GAP43: variants seen among roughly 807,000 people sequenced by gnomAD.
GAP43 encodes the protein neuromodulin.
In GAP43, 6 loss-of-function variants were observed where a neutral mutation model predicts 18.6. That is an observed-to-expected ratio of 0.32 (90% CI 0.18 to 0.64). GAP43 has a LOEUF of 0.64. Ranked by LOEUF, GAP43 falls within the 30% of genes least tolerant of loss-of-function variation. The probability of loss-of-function intolerance (pLI) is 0.78; values close to 1 mark genes in which losing one functional copy is unlikely to be tolerated. For synonymous variants in GAP43, 115 were observed against 111.4 expected (o/e 1.03, Z -0.20); for missense variants, 292 against 295.5 (o/e 0.99, Z 0.09).
chr3:115,704,525 T>A (rs1219275689), intron 2 of GAP43, among the ~76,000 whole-genome samples: 1 of 152,124 alleles, frequency 6.6e-6, no homozygotes, highest in East Asian at 1.9e-4. Context: ...GATAAAACAG[T>A]AATCCTCAGC....
chr3:115,623,751 T>A (rs1708144305), intron 1 of GAP43, 32 bp downstream of exon 1: 1 of 1,613,274 alleles, frequency 6.2e-7, no homozygotes, highest in Non-Finnish European at 8.5e-7. Flanking sequence ...TTCTTGCTGT[T>A]GTGAAATAAC....
intron 2 of GAP43, 82 bp downstream of exon 2, chr3:115,676,692 G>A: frequency 7.4e-7 from 1 of 1,346,694 alleles, no homozygotes; most frequent in South Asian, 1.5e-5. Context: ...CTGGGTCATT[G>A]AGGGAGAGGA....
intron 1 of GAP43, among the ~76,000 whole-genome samples, chr3:115,673,555 G>A (rs769595397): frequency 2.0e-4 from 31 of 152,306 alleles, no homozygotes; most frequent in South Asian, 2.1e-4. Context: ...ATATAAGATG[G>A]TGCTTCATTC....
chr3:115,624,445 T>C (rs1193628589), intron 1 of GAP43, among the ~76,000 whole-genome samples: 1 of 151,976 alleles, frequency 6.6e-6, no homozygotes, highest in East Asian at 1.9e-4. Flanking sequence ...CCCTAGGAGC[T>C]CCGATGGGAT....
At chr3:115,700,264 T>C (rs1709281100) in intron 2 of GAP43, among the ~76,000 whole-genome samples, 2 of 152,168 alleles carry the variant, frequency 1.3e-5, no homozygotes, top group Admixed American at 6.6e-5. Flanking sequence ...GTCCAAACCA[T>C]AAAATGTCTG....
intron 1 of GAP43, among the ~76,000 whole-genome samples, chr3:115,637,282 A>G (rs1708341290): frequency 6.6e-6 from 1 of 152,088 alleles, no homozygotes; most frequent in South Asian, 2.1e-4. Flanking sequence ...TATCCAGTAC[A>G]GTGCATGACT....
intron 2 of GAP43, among the ~76,000 whole-genome samples, chr3:115,711,326 G>A (rs539904848): frequency 2.6e-5 from 4 of 152,162 alleles, no homozygotes; most frequent in South Asian, 2.1e-4. Context: ...ATTATTTGAC[G>A]GCAAAGTGCT....
rs1348538286 is a variant in GAP43, at chr3:115,644,198, C to T, written c.30+20479C>T. ...TAAATATTTGGGGAGGATTGTCCTG[C>T]TGTGGTAAATTTATACTCATTAAAT... On this transcript the variant is annotated intron_variant, in intron 1 of 2. Coordinates refer to ENST00000305124, the MANE Select transcript of GAP43 (RefSeq NM_002045.4). This position sits in a 1 kb window ranked among gnomAD's most constrained non-coding sequence, Gnocchi z 4.2. 6.6e-6 allele frequency among the ~76,000 whole-genome samples: 1 copy of T among 152,000 alleles called. No individual in the cohort carries two copies. Among genetic ancestry groups the T allele is most frequent in the African/African-American group, 2.4e-5 (1 of 41,420 alleles).
intron 2 of GAP43, among the ~76,000 whole-genome samples, chr3:115,686,978 T>A (rs900274336): frequency 6.6e-6 from 1 of 152,194 alleles, no homozygotes; most frequent in African/African-American, 2.4e-5. Context: ...AAGGCAGACA[T>A]TTTCAAAATT....
chr3:115,694,149 G>A lies in GAP43; in HGVS notation c.628+17539G>A, dbSNP rs371956544. On this transcript the variant is annotated intron_variant, in intron 2 of 2. Coordinates refer to ENST00000305124, the MANE Select transcript of GAP43 (RefSeq NM_002045.4). ...CAGTCATTCAGGAGGCTGTGAGAGCGTCTCTTGAAACCCTGAGTGGCTGCC... is the reference window on the plus strand; with the variant it reads ...CAGTCATTCAGGAGGCTGTGAGAGCATCTCTTGAAACCCTGAGTGGCTGCC... Among the ~76,000 whole-genome samples, 19 of 152,278 alleles carry A rather than the reference G, an allele frequency of 1.2e-4. No individual in the cohort carries two copies. In the East Asian group the frequency reaches 2.7e-3, roughly 22 times the overall value.
chr3:115,630,047 C>T (rs1390269604), intron 1 of GAP43, among the ~76,000 whole-genome samples: 1 of 152,160 alleles, frequency 6.6e-6, no homozygotes, highest in African/African-American at 2.4e-5. Context: ...CCTCGTCCAA[C>T]AACCAACATT....
At chr3:115,646,880 C>T (rs1290538790) in intron 1 of GAP43, among the ~76,000 whole-genome samples, 1 of 151,900 alleles carries the variant, frequency 6.6e-6, no homozygotes, top group Non-Finnish European at 1.5e-5. Flanking sequence ...TTTCAGGAAA[C>T]CAAACAACCA....
chr3:115,667,341 G>A (rs746414280), intron 1 of GAP43, among the ~76,000 whole-genome samples: 3 of 152,200 alleles, frequency 2.0e-5, no homozygotes, highest in Non-Finnish European at 4.4e-5. Context: ...GAAGAAGGGT[G>A]TGTGGTAGAG....
At chr3:115,702,235 G>T (rs1709305410) in intron 2 of GAP43, among the ~76,000 whole-genome samples, 2 of 152,118 alleles carry the variant, frequency 1.3e-5, no homozygotes, top group Admixed American at 1.3e-4. Flanking sequence ...TCATGATAAA[G>T]AAAGTAATAT....
intron 2 of GAP43, among the ~76,000 whole-genome samples, chr3:115,714,030 C>T (rs1384532252): frequency 6.6e-6 from 1 of 152,146 alleles, no homozygotes. Context: ...ATAAACAACA[C>T]ATTATTACAG....
chr3:115,720,955 C>T lies in GAP43; in HGVS notation c.*73C>T. ...CTGTCTCTCCCTACCCTCTTCTCAG[C>T]TCCACTCTGAAGTCCCTTCCTGTCC... On this transcript the variant is annotated 3_prime_UTR_variant, in exon 3 of 3. Transcript: ENST00000305124. 2.0e-6 allele frequency: 2 copies of T among 1,022,010 alleles called. No individual in the cohort carries two copies. Among genetic ancestry groups the T allele is most frequent in the Non-Finnish European group, 3.0e-6 (2 of 666,140 alleles). 63.3% of individuals were successfully genotyped at this position (1,022,010 alleles called of 1,614,324 possible). A position where few individuals can be genotyped will look rare whatever the true frequency, so the allele number is the denominator to read the frequency against.
In GAP43 at chr3:115,684,870, A is replaced by G. The variant is rs193171747; in HGVS notation, c.628+8260A>G. ...ATCTGAATCTTAAAGGATAAAATTT[A>G]TCCAATGAAAAGAGACGTCATTTAT... On this transcript the variant is annotated intron_variant, in intron 2 of 2. Transcript: ENST00000305124. Among the ~76,000 whole-genome samples the G allele has an allele frequency of 6.6e-5, 10 of 152,322 alleles. No individual in the cohort carries two copies. The East Asian group carries it at 1.5e-3, about 24-fold the overall frequency.
intron 1 of GAP43, among the ~76,000 whole-genome samples, chr3:115,642,305 T>C (rs1708407303): frequency 6.6e-6 from 1 of 151,990 alleles, no homozygotes; most frequent in Non-Finnish European, 1.5e-5. Context: ...TTAGACACAA[T>C]ATCTCCTCTA....
chr3:115,633,739 G>C (rs1286369708), intron 1 of GAP43, among the ~76,000 whole-genome samples: 1 of 152,130 alleles, frequency 6.6e-6, no homozygotes, highest in Non-Finnish European at 1.5e-5. Flanking sequence ...ACCTCTGGCA[G>C]GTGCCACCTG....
Sources: allele counts gnomAD v4.1 joint callset (sites outside exome capture counted in the v4.1 genomes callset), GRCh38; gene constraint gnomAD v4.1.1; non-coding constraint Gnocchi (gnomAD v3.1); transcripts MANE v1.5; gene names NCBI Gene and HGNC (gene_info 2026-07-23, HGNC 2026-07-21).